Variants in TMEM132B observed in about 807,000 individuals in gnomAD.
TMEM132B encodes the protein transmembrane protein 132B.
TMEM132B carries 18 observed loss-of-function variants against 90.8 expected under a neutral mutation model. That is an observed-to-expected ratio of 0.20 (90% confidence interval 0.14 to 0.29). The LOEUF is 0.29. TMEM132B is among the 10% of genes least tolerant of loss of function. The pLI, the probability that TMEM132B is intolerant of heterozygous loss-of-function variation, is 1.00. For missense variants in TMEM132B, 1,096 were observed against 1,326.8 expected (o/e 0.83, Z 2.70); for synonymous variants, 504 against 523.3 (o/e 0.96, Z 0.50).
intron 3 of TMEM132B, among the ~76,000 whole-genome samples, 198 bp from the exon 4 acceptor site, chr12:125,519,241 G>T (rs1004877073): frequency 1.3e-5 from 2 of 152,164 alleles, no homozygotes; most frequent in Admixed American, 6.5e-5. Context: ...CCCTAGAGAC[G>T]GATCGTCAGC....
Position 125,652,432 on chromosome 12 carries a change from A to AG in TMEM132B, c.1915-9_1915-8insG. 1 of 1,585,608 alleles carries AG rather than the reference A, an allele frequency of 6.3e-7. No homozygotes were observed. Among genetic ancestry groups the AG allele is most frequent in the East Asian group, 2.3e-5 (1 of 44,186 alleles). On this transcript the variant is annotated splice_polypyrimidine_tract_variant and intron_variant, in intron 7 of 8. Coordinates refer to ENST00000682704, the MANE Select transcript of TMEM132B (RefSeq NM_001366854.1). ...CAGAGATGCATGAGTCTCCTCGCTG[A>AG]CTTTTCAGGTCCTCTCGCCGTTGTC...
chr12:125,265,481 A>AT (rs764952102), intron 1 of TMEM132B, among the ~76,000 whole-genome samples: 1 of 152,184 alleles, frequency 6.6e-6, no homozygotes, highest in Non-Finnish European at 1.5e-5. Context: ...GTACTCATCG[A>AT]TTTTTGGACC....
At chr12:125,600,986 A>G (rs1481546904) in intron 5 of TMEM132B, among the ~76,000 whole-genome samples, 4 of 152,186 alleles carry the variant, frequency 2.6e-5, no homozygotes, top group Non-Finnish European at 5.9e-5. Context: ...TAAGACCTAC[A>G]AAGAGATTTA....
intron 2 of TMEM132B, among the ~76,000 whole-genome samples, chr12:125,385,092 C>T (rs1039699740): frequency 1.3e-5 from 2 of 152,166 alleles, no homozygotes; most frequent in Non-Finnish European, 2.9e-5. Context: ...GCTGCATTTG[C>T]CTCCATGTGC....
chr12:125,399,493 G>C (rs367531), intron 2 of TMEM132B, among the ~76,000 whole-genome samples: 1 of 150,296 alleles, frequency 6.7e-6, no homozygotes, highest in Admixed American at 6.6e-5. Flanking sequence ...ATGTGTGTGT[G>C]TGTGTGTGTG....
At chr12:125,565,864 A>G (rs1487187609) in intron 4 of TMEM132B, among the ~76,000 whole-genome samples, 1 of 152,184 alleles carries the variant, frequency 6.6e-6, no homozygotes, top group African/African-American at 2.4e-5. Flanking sequence ...TGAAAAAAGG[A>G]ATGCCTGTTC....
rs1020741854 is a variant in TMEM132B at position 125,369,887 on chromosome 12, A to G, written c.959+19544A>G. On this transcript the variant is annotated intron_variant, in intron 2 of 8. Coordinates refer to ENST00000682704, the MANE Select transcript of TMEM132B (RefSeq NM_001366854.1). ...AACATGGTGAAACCCTGTCTCTACT[A>G]AAAATACAAAAATCAGCCGGGTGTG... is the stretch of plus-strand genomic sequence containing the variant. 7.2e-5 allele frequency among the ~76,000 whole-genome samples: 11 copies of G among 152,202 alleles called. No individual in the cohort carries two copies. In the East Asian group the frequency reaches 1.7e-3, roughly 24 times the overall value.
intron 1 of TMEM132B, among the ~76,000 whole-genome samples, chr12:125,258,527 G>A (rs1251476738): frequency 1.3e-5 from 2 of 152,118 alleles, no homozygotes; most frequent in East Asian, 1.9e-4. Context: ...CTTACAACAT[G>A]TTGGCCTCCA....
In TMEM132B at chr12:125,661,549, T is replaced by C. The variant is rs7955449; in HGVS notation, c.*6839T>C. On this transcript the variant is annotated 3_prime_UTR_variant, in exon 9 of 9. Transcript: ENST00000682704. ...GAACTGGCCCATGGAGGGACTTGAT[T>C]GCCAAGTGACTTCCTTTCTGTAGTT... 84,862 of 152,062 alleles carry C rather than the reference T, an allele frequency of 0.56. 24,190 individuals carry two copies. The highest frequency in any genetic ancestry group is 0.91 in the East Asian group (4,677 of 5,166). 9.4% of individuals were successfully genotyped at this position (152,062 alleles called of 1,614,324 possible).
intron 1 of TMEM132B, among the ~76,000 whole-genome samples, chr12:125,199,832 A>G (rs1873015961): frequency 6.6e-6 from 1 of 152,230 alleles, no homozygotes; most frequent in Admixed American, 6.5e-5. Context: ...GGCAGAGGAT[A>G]CACATCAACT....
chr12:125,639,951 C>T lies in TMEM132B; in HGVS notation c.1438-4125C>T, dbSNP rs1328546445. Among the ~76,000 whole-genome samples, 5 of 152,278 alleles carry T rather than the reference C, an allele frequency of 3.3e-5. No individual in the cohort carries two copies. In the East Asian group the frequency reaches 7.7e-4, roughly 24 times the overall value. On this transcript the variant is annotated intron_variant, in intron 5 of 8. Coordinates refer to ENST00000682704, the MANE Select transcript of TMEM132B (RefSeq NM_001366854.1). ...ATAAAACGCCTCAAAGTCGGGGGGT[C>T]CAGGTGGGCTGGTCCAGCGGCTCCT...
intron 1 of TMEM132B, among the ~76,000 whole-genome samples, chr12:125,260,038 T>C (rs1009820462): frequency 1.3e-5 from 2 of 152,188 alleles, no homozygotes; most frequent in African/African-American, 4.8e-5. Flanking sequence ...AGCCCATGGA[T>C]GCAAGCTAAC....
chr12:125,320,727 C>G (rs1414665540), intron 1 of TMEM132B, among the ~76,000 whole-genome samples: 1 of 152,172 alleles, frequency 6.6e-6, no homozygotes, highest in African/African-American at 2.4e-5. Context: ...TCCTGAAACA[C>G]CACGCACCAT....
chr12:125,368,284 C>T (rs532766367), intron 2 of TMEM132B, among the ~76,000 whole-genome samples: 217 of 152,232 alleles, frequency 1.4e-3, no homozygotes, highest in South Asian at 3.9e-3. Context: ...TGCATTAATG[C>T]CACAGAAATG....
chr12:125,213,592 T>A lies in TMEM132B; in HGVS notation c.67+26726T>A, dbSNP rs927951296. ...CACTCTCTGGCTTCTGATTCAGTGA[T>A]GGCTTCTCCAGCCTAGACCTTCTCT... is the stretch of plus-strand genomic sequence containing the variant. On this transcript the variant is annotated intron_variant, in intron 1 of 8. Coordinates refer to ENST00000682704, the MANE Select transcript of TMEM132B (RefSeq NM_001366854.1). The surrounding 1 kb of genome is among the most constrained non-coding windows in gnomAD (Gnocchi z 4.2). Among the ~76,000 whole-genome samples, 2 of 152,272 alleles carry A rather than the reference T, an allele frequency of 1.3e-5. No homozygotes were observed. The highest frequency in any genetic ancestry group is 4.8e-5 in the African/African-American group (2 of 41,474).
At chr12:125,275,263 TTC>T (rs1409765148) in intron 1 of TMEM132B, among the ~76,000 whole-genome samples, 8 of 152,224 alleles carry the variant, frequency 5.3e-5, no homozygotes, top group African/African-American at 1.9e-4. Context: ...TTTAATCATA[TTC>T]TGTTAGCCCA....
At chr12:125,286,382 G>A (rs1875357060) in intron 1 of TMEM132B, among the ~76,000 whole-genome samples, 1 of 152,204 alleles carries the variant, frequency 6.6e-6, no homozygotes, top group Non-Finnish European at 1.5e-5. Context: ...AACTGTCATT[G>A]AATAGTGCCG....
intron 4 of TMEM132B, among the ~76,000 whole-genome samples, chr12:125,566,997 C>T (rs2136816769): frequency 6.6e-6 from 1 of 152,114 alleles, no homozygotes; most frequent in Non-Finnish European, 1.5e-5. Context: ...GTGCCCACCA[C>T]CACACCGGCT....
intron 1 of TMEM132B, among the ~76,000 whole-genome samples, chr12:125,226,181 A>G (rs1873677482): frequency 6.6e-6 from 1 of 152,200 alleles, no homozygotes; most frequent in Non-Finnish European, 1.5e-5. Context: ...GCTTGCTCTC[A>G]GCTAAGGGTG....
Sources: gnomAD v4.1 joint callset for allele counts (sites outside exome capture counted in the v4.1 genomes callset) on GRCh38, gnomAD v4.1.1 for gene constraint, Gnocchi (gnomAD v3.1) non-coding constraint, MANE v1.5 for transcripts, NCBI Gene and HGNC (gene_info 2026-07-23, HGNC 2026-07-21) for gene names.